The following FEZ2 variants were observed in gnomAD, a reference collection of about 807,000 sequenced individuals.
The protein encoded by FEZ2 is fasciculation and elongation protein zeta-2.
In FEZ2, 51 loss-of-function variants were observed where a neutral mutation model predicts 40.4. That is an observed-to-expected ratio of 1.26 (90% CI 1.01 to 1.59). The LOEUF is 1.59. FEZ2 is among the 40% of genes most tolerant of loss of function. The probability of loss-of-function intolerance (pLI) is 0.00; values close to 1 mark genes in which losing one functional copy is unlikely to be tolerated. For missense variants in FEZ2, 640 were observed against 438.3 expected, an observed-to-expected ratio of 1.46 and a Z score of -4.11; for synonymous variants, 242 against 172.0, an observed-to-expected ratio of 1.41 and a Z score of -3.18.
At position 36,552,372 on chromosome 2, in the gene FEZ2, AACAC is replaced by A. The variant is rs566701979; in HGVS notation, c.*787_*790del. ...GTATCTAGAATTCATACTTAAGAAA[AACAC>A]ACAGGCATGAATAAAATAGGACACA... On this transcript the variant is annotated 3_prime_UTR_variant, in exon 8 of 8. Coordinates refer to ENST00000405912, the MANE Select transcript of FEZ2 (RefSeq NM_005102.3). 2.7e-4 allele frequency: 102 copies of A among 371,762 alleles called. No individual in the cohort carries two copies. Among genetic ancestry groups the A allele is most frequent in the Non-Finnish European group, 4.7e-4 (91 of 192,518 alleles). The allele number at this position is 371,762 out of a possible 1,614,324, so 23.0% of individuals were successfully genotyped here. A position where few individuals can be genotyped will look rare whatever the true frequency, so the allele number is the denominator to read the frequency against.
At chr2:36,584,866 A>T (rs1383723959) in intron 2 of FEZ2, among the ~76,000 whole-genome samples, 1 of 152,198 alleles carries the variant, frequency 6.6e-6, no homozygotes, top group South Asian at 2.1e-4. Context: ...CCAAGGGAAG[A>T]AGCACTGGCA....
At position 36,573,355 on chromosome 2, in the gene FEZ2, A is replaced by G. The variant is rs559305533; in HGVS notation, c.903+5242T>C. Reference sequence around the variant, plus strand: ...TAACACTAGATGAACAGCAACTACTAAATTACAACATAACCTGGTGTTGTT... The same window carrying G: ...TAACACTAGATGAACAGCAACTACTGAATTACAACATAACCTGGTGTTGTT... On this transcript the variant is annotated intron_variant, in intron 5 of 7. Transcript: ENST00000405912. 1.9e-4 allele frequency among the ~76,000 whole-genome samples: 29 copies of G among 152,362 alleles called. No homozygotes were observed. In the East Asian group the frequency reaches 4.8e-3, roughly 25 times the overall value.
At chr2:36,583,236 C>G in intron 3 of FEZ2, 117 bp downstream of exon 3, 1 of 634,806 alleles carries the variant, frequency 1.6e-6, no homozygotes, top group Non-Finnish European at 2.8e-6. Flanking sequence ...GCCTGTATAA[C>G]CAGAAAAAAA....
chr2:36,574,404 G>C (rs144659488), intron 5 of FEZ2, among the ~76,000 whole-genome samples: 110 of 152,124 alleles, frequency 7.2e-4, no homozygotes, highest in African/African-American at 2.2e-3. Flanking sequence ...AGGTACCTAA[G>C]GTTGGATCTA....
intron 5 of FEZ2, among the ~76,000 whole-genome samples, chr2:36,570,531 T>C (rs1476477485): frequency 1.3e-5 from 2 of 152,180 alleles, no homozygotes; most frequent in African/African-American, 4.8e-5. Flanking sequence ...TCCTGAAACA[T>C]AAATACTCTA....
chr2:36,589,425 T>C (rs895938473), intron 2 of FEZ2, among the ~76,000 whole-genome samples: 1 of 152,198 alleles, frequency 6.6e-6, no homozygotes, highest in South Asian at 2.1e-4. Flanking sequence ...CTGTCAGAGA[T>C]GCTGGAGGTG....
intron 5 of FEZ2, among the ~76,000 whole-genome samples, chr2:36,564,909 G>A (rs115109649): frequency 6.7e-4 from 102 of 152,278 alleles, no homozygotes; most frequent in Middle Eastern, 6.8e-3. Context: ...TCTCTCCCCC[G>A]TTGTGTGCCA....
intron 5 of FEZ2, among the ~76,000 whole-genome samples, chr2:36,566,248 G>A (rs995050215): frequency 3.9e-5 from 6 of 151,962 alleles, no homozygotes; most frequent in African/African-American, 1.2e-4. Flanking sequence ...GCTGAGGCAG[G>A]AGAATGGCGT....
chr2:36,563,122 T>G (rs1257125361), intron 5 of FEZ2, among the ~76,000 whole-genome samples: 1 of 152,256 alleles, frequency 6.6e-6, no homozygotes, highest in East Asian at 1.9e-4. Flanking sequence ...AGATGTAATT[T>G]AGGTTTTCTT....
chr2:36,581,800 G>A (rs1668758338), intron 3 of FEZ2, among the ~76,000 whole-genome samples: 1 of 151,888 alleles, frequency 6.6e-6, no homozygotes, highest in Non-Finnish European at 1.5e-5. Context: ...GCAAATAACA[G>A]AAAATTTACC....
At chr2:36,593,266 G>A (rs1215901342) in intron 1 of FEZ2, among the ~76,000 whole-genome samples, 1 of 152,074 alleles carries the variant, frequency 6.6e-6, no homozygotes. Flanking sequence ...TGCAAAAGCA[G>A]AAACCCCTGA....
At chr2:36,575,531 C>G (rs1208729489) in intron 5 of FEZ2, among the ~76,000 whole-genome samples, 1 of 152,142 alleles carries the variant, frequency 6.6e-6, no homozygotes, top group Non-Finnish European at 1.5e-5. Flanking sequence ...TCCACAAATC[C>G]TTGCTGAATG....
intron 5 of FEZ2, among the ~76,000 whole-genome samples, chr2:36,563,720 A>G (rs941183046): frequency 3.3e-5 from 5 of 151,932 alleles, no homozygotes; most frequent in African/African-American, 1.2e-4. Context: ...TTCCTTTCCC[A>G]AGGTTTTCCT....
chr2:36,593,765 G>T (rs1204061191), intron 1 of FEZ2, among the ~76,000 whole-genome samples: 1 of 151,992 alleles, frequency 6.6e-6, no homozygotes, highest in African/African-American at 2.4e-5. Context: ...TTTTCCCCAT[G>T]GTCGTGGGGA....
intron 5 of FEZ2, among the ~76,000 whole-genome samples, chr2:36,575,381 G>A (rs1379620102): frequency 6.6e-6 from 1 of 151,730 alleles, no homozygotes; most frequent in Non-Finnish European, 1.5e-5. Context: ...TAAAGACAAG[G>A]TCTCACTATA....
chr2:36,563,205 C>T (rs1258408302), intron 5 of FEZ2, among the ~76,000 whole-genome samples: 1 of 152,206 alleles, frequency 6.6e-6, no homozygotes, highest in African/African-American at 2.4e-5. Context: ...TGAAAGATGG[C>T]TTTTGTGCCA....
In FEZ2 at chr2:36,597,918, G is replaced by A. The variant is rs1170209597; in HGVS notation, c.225C>T (p.Ala75=). ...GGCTGCGCTCCGTGATGGGCCGCACGGCCGTCCTCGGGGGCTCGGCGCCCG... is the reference window on the plus strand; with the variant it reads ...GGCTGCGCTCCGTGATGGGCCGCACAGCCGTCCTCGGGGGCTCGGCGCCCG... ...SDPGAEPPRT[A]VRPITERSLL... The change falls in exon 1 of 8, where the codon GCC becomes GCT. Residue 75 remains alanine, a synonymous_variant. Transcript: ENST00000405912. The A allele has an allele frequency of 2.1e-6, 3 of 1,422,064 alleles. No individual in the cohort carries two copies. The highest frequency in any genetic ancestry group is 2.7e-6 in the Non-Finnish European group (3 of 1,095,710). 88.1% of individuals were successfully genotyped at this position (1,422,064 alleles called of 1,614,324 possible).
At position 36,553,144 on chromosome 2, in the gene FEZ2, C is replaced by A. The variant is rs370204754; in HGVS notation, c.*19G>T. The A allele has an allele frequency of 6.4e-7, 1 of 1,563,618 alleles. No individual in the cohort carries two copies. Among genetic ancestry groups the A allele is most frequent in the Non-Finnish European group, 8.7e-7 (1 of 1,151,718 alleles). On this transcript the variant is annotated 3_prime_UTR_variant, in exon 8 of 8. Transcript: ENST00000405912. ...GTCGGAAATCTAGCTTGGAGCCCAC[C>A]GCAGATAAAGTTGCTGCTCTATGTA...
intron 5 of FEZ2, among the ~76,000 whole-genome samples, chr2:36,573,163 G>A (rs974067364): frequency 3.9e-5 from 6 of 152,010 alleles, no homozygotes; most frequent in South Asian, 4.2e-4. Flanking sequence ...AAAGACTATC[G>A]ATTCCTATCT....
Sources: gnomAD v4.1 joint callset for allele counts (sites outside exome capture counted in the v4.1 genomes callset) on GRCh38, gnomAD v4.1.1 for gene constraint, MANE v1.5 for transcripts, NCBI Gene and HGNC (gene_info 2026-07-23, HGNC 2026-07-21) for gene names.